Variants in GRIN3A observed in about 807,000 individuals in gnomAD.
GRIN3A encodes the protein glutamate receptor ionotropic, NMDA 3A.
GRIN3A carries 47 observed loss-of-function variants against 92.4 expected under a neutral mutation model. The ratio of observed to expected loss-of-function variants is 0.51; its 90% CI spans 0.40 to 0.65. GRIN3A has a LOEUF of 0.65. GRIN3A is among the 30% of genes least tolerant of loss of function. GRIN3A has a pLI of 0.00. For synonymous variants in GRIN3A, 527 were observed against 540.6 expected, an observed-to-expected ratio of 0.97 and a Z score of 0.35; for missense variants, 1,324 against 1,393.1, an observed-to-expected ratio of 0.95 and a Z score of 0.79.
At chr9:101,721,945 AG>A (rs1214743113) in intron 1 of GRIN3A, among the ~76,000 whole-genome samples, 7 of 152,328 alleles carry the variant, frequency 4.6e-5, no homozygotes, top group African/African-American at 1.4e-4. Context: ...GAGAAATCCA[AG>A]CTGGCTGCAG....
At chr9:101,582,205 G>T (rs1196453733) in intron 6 of GRIN3A, among the ~76,000 whole-genome samples, 2 of 152,162 alleles carry the variant, frequency 1.3e-5, no homozygotes, top group East Asian at 3.9e-4. Context: ...TCAGGCATAG[G>T]GTGCATAGGG....
chr9:101,635,302 G>T (rs1401966657), intron 3 of GRIN3A, among the ~76,000 whole-genome samples: 1 of 152,140 alleles, frequency 6.6e-6, no homozygotes, highest in Non-Finnish European at 1.5e-5. Context: ...ACCAGTTTTT[G>T]TCAATCAAGT....
chr9:101,624,951 T>A (rs1006451013), intron 4 of GRIN3A, among the ~76,000 whole-genome samples: 6 of 152,280 alleles, frequency 3.9e-5, no homozygotes, highest in African/African-American at 1.4e-4. Context: ...GGGGTTCACC[T>A]CATATAAATC....
At chr9:101,632,290 T>A (rs573522070) in intron 3 of GRIN3A, among the ~76,000 whole-genome samples, 1 of 152,322 alleles carries the variant, frequency 6.6e-6, no homozygotes, top group East Asian at 1.9e-4. Flanking sequence ...CACATAGCAC[T>A]GACAACACTT....
At chr9:101,590,058 T>C (rs912641670) in intron 6 of GRIN3A, among the ~76,000 whole-genome samples, 34 of 152,326 alleles carry the variant, frequency 2.2e-4, no homozygotes, top group Non-Finnish European at 2.8e-4. Context: ...TAAAAAACAT[T>C]GTGAGAACAA....
chr9:101,637,823 G>A (rs545352734), intron 3 of GRIN3A, among the ~76,000 whole-genome samples: 2 of 152,242 alleles, frequency 1.3e-5, no homozygotes, highest in Admixed American at 6.5e-5. Context: ...ACTACTTCCT[G>A]ATCTAGGCAG....
intron 1 of GRIN3A, among the ~76,000 whole-genome samples, chr9:101,695,599 G>A (rs1829675358): frequency 6.6e-6 from 1 of 152,120 alleles, no homozygotes; most frequent in Admixed American, 6.6e-5. Context: ...GGAGGTGGCT[G>A]GAAATGTGAC....
chr9:101,692,021 A>G (rs1829626694), intron 1 of GRIN3A, among the ~76,000 whole-genome samples: 1 of 152,318 alleles, frequency 6.6e-6, no homozygotes, highest in Middle Eastern at 3.4e-3. Flanking sequence ...GTGAGGGCCC[A>G]TAAGTAGTAG....
At position 101,715,134 on chromosome 9, in the gene GRIN3A, TATG is replaced by T. The variant is rs548708014; in HGVS notation, c.699+22144_699+22146del. On this transcript the variant is annotated intron_variant, in intron 1 of 8. Coordinates refer to ENST00000361820, the MANE Select transcript of GRIN3A (RefSeq NM_133445.3). Reference sequence around the variant, plus strand: ...GTATTATTTTCCTCTTCCAGGAATGTATGATAAGGAAATAAGAGCCTGTGAATA... The same window carrying T: ...GTATTATTTTCCTCTTCCAGGAATGTATAAGGAAATAAGAGCCTGTGAATA... Among the ~76,000 whole-genome samples the T allele has an allele frequency of 8.3e-4, 124 of 150,142 alleles. 1 individual carries two copies. Among genetic ancestry groups the T allele is most frequent in the Admixed American group, 3.3e-3 (49 of 14,934 alleles).
chr9:101,724,696 G>A (rs1830064110), intron 1 of GRIN3A, among the ~76,000 whole-genome samples: 1 of 152,236 alleles, frequency 6.6e-6, no homozygotes, highest in South Asian at 2.1e-4. Flanking sequence ...CTCACACGAT[G>A]TGATGGGTTT....
intron 1 of GRIN3A, among the ~76,000 whole-genome samples, chr9:101,694,622 C>T (rs1829658469): frequency 1.3e-5 from 2 of 152,164 alleles, no homozygotes; most frequent in Admixed American, 1.3e-4. Flanking sequence ...CTCACTCATT[C>T]TCTGGGTCCT....
intron 2 of GRIN3A, among the ~76,000 whole-genome samples, chr9:101,671,882 TA>T (rs1427860445): frequency 1.3e-5 from 2 of 152,140 alleles, no homozygotes; most frequent in Admixed American, 6.6e-5. Context: ...AATTACCAAC[TA>T]AATAATATAG....
chr9:101,595,667 C>T (rs1040828648), intron 6 of GRIN3A, among the ~76,000 whole-genome samples: 1 of 152,198 alleles, frequency 6.6e-6, no homozygotes, highest in African/African-American at 2.4e-5. Flanking sequence ...GGATCACCTA[C>T]AGGCACTAAC....
At chr9:101,689,946 T>C (rs372257203) in intron 1 of GRIN3A, among the ~76,000 whole-genome samples, 2 of 152,154 alleles carry the variant, frequency 1.3e-5, no homozygotes, top group African/African-American at 4.8e-5. Context: ...AAAGAAGATA[T>C]AAAGATTTTA....
intron 5 of GRIN3A, among the ~76,000 whole-genome samples, chr9:101,622,375 G>A (rs963445139): frequency 6.6e-6 from 1 of 152,210 alleles, no homozygotes; most frequent in Non-Finnish European, 1.5e-5. Flanking sequence ...TGGCTGTCTC[G>A]AGAGCCAGCA....
chr9:101,695,116 G>A (rs1469355747), intron 1 of GRIN3A, among the ~76,000 whole-genome samples: 1 of 152,172 alleles, frequency 6.6e-6, no homozygotes, highest in Non-Finnish European at 1.5e-5. Context: ...TGTATGCAAA[G>A]CATCAGTACA....
At chr9:101,674,519 CA>C (rs1230920892) in intron 2 of GRIN3A, among the ~76,000 whole-genome samples, 2 of 152,012 alleles carry the variant, frequency 1.3e-5, no homozygotes, top group Non-Finnish European at 2.9e-5. Flanking sequence ...TACAGGGTTG[CA>C]AACTTTACTA....
Position 101,606,256 on chromosome 9 carries a change from C to A in GRIN3A, c.2766+7120G>T, listed in dbSNP as rs199849379. On this transcript the variant is annotated intron_variant, in intron 6 of 8. Coordinates refer to ENST00000361820, the MANE Select transcript of GRIN3A (RefSeq NM_133445.3). ...TGGACATTCTTCTGCCCTTCCAGAT[C>A]GACTCTCCATCTTTCTTCCTCCTGC... Among the ~76,000 whole-genome samples, 6 of 152,184 alleles carry A rather than the reference C, an allele frequency of 3.9e-5. No homozygotes were observed. The East Asian group carries it at 7.7e-4, about 20-fold the overall frequency.
At chr9:101,582,661 A>G (rs1055693505) in intron 6 of GRIN3A, among the ~76,000 whole-genome samples, 1 of 152,218 alleles carries the variant, frequency 6.6e-6, no homozygotes, top group Non-Finnish European at 1.5e-5. Flanking sequence ...TGGCTATAAT[A>G]TGAAGGATTC....
Sources: gnomAD v4.1 joint callset for allele counts (sites outside exome capture counted in the v4.1 genomes callset) on GRCh38, gnomAD v4.1.1 for gene constraint, MANE v1.5 for transcripts, NCBI Gene and HGNC (gene_info 2026-07-23, HGNC 2026-07-21) for gene names.